PABPC1L: variants seen among roughly 807,000 people sequenced by gnomAD.
PABPC1L encodes the protein poly(A) binding protein cytoplasmic 1 like, also known as polyadenylate-binding protein 1-like.
A neutral mutation model predicts 66.6 loss-of-function variants in PABPC1L; 31 were observed. That is an observed-to-expected ratio of 0.47 (90% confidence interval 0.35 to 0.63). The LOEUF (loss-of-function observed/expected upper bound fraction) is 0.63. PABPC1L is among the 20% of genes least tolerant of loss of function. The pLI is 0.00. For missense variants in PABPC1L, 722 were observed against 848.8 expected (o/e 0.85, Z 1.86); for synonymous variants, 348 against 335.1 (o/e 1.04, Z -0.42).
Position 44,936,737 on chromosome 20 carries a change from G to A in PABPC1L, c.1660+7G>A. 1 of 1,601,846 alleles carries A rather than the reference G, an allele frequency of 6.2e-7. No homozygotes were observed. Among genetic ancestry groups the A allele is most frequent in the Non-Finnish European group, 8.5e-7 (1 of 1,175,294 alleles). ...GAGCAAAAGCAGATGATTGGTGAGT[G>A]GCTGGTTCTCCTACTGTGGAGCAAG... On this transcript the variant is annotated splice_region_variant and intron_variant, in intron 12 of 14. Coordinates refer to ENST00000217073, the MANE Select transcript of PABPC1L (RefSeq NM_001372179.1).
chr20:44,925,167 C>T (rs530950971), intron 7 of PABPC1L, among the ~76,000 whole-genome samples: 3 of 139,016 alleles, frequency 2.2e-5, no homozygotes, highest in East Asian at 2.4e-4. Context: ...GAGCCAAGAT[C>T]GTGCCACTGC....
rs376023342 is a variant in PABPC1L, at chr20:44,938,029, G to A, written c.1661-32G>A. On this transcript the variant is annotated intron_variant, in intron 12 of 14. Transcript: ENST00000217073. ...GGGATGCTGGGGTGTGAGCTAGGCCGTGCACAAGCCATTAGAAGGTGTTCC... is the reference window on the plus strand; with the variant it reads ...GGGATGCTGGGGTGTGAGCTAGGCCATGCACAAGCCATTAGAAGGTGTTCC... The A allele has an allele frequency of 2.6e-5, 42 of 1,613,580 alleles. No individual in the cohort carries two copies. The Middle Eastern group carries it at 4.9e-4, about 19-fold the overall frequency.
chr20:44,910,139 C>G lies in PABPC1L; in HGVS notation c.-5C>G. ...TTGCCCCGCAGCCCCGGCCCCCTGC[C>G]CACCATGAACGCCAGCGGTTCTGGC... On this transcript the variant is annotated 5_prime_UTR_variant, in exon 1 of 15. Transcript: ENST00000217073. 1 of 1,557,042 alleles carries G rather than the reference C, an allele frequency of 6.4e-7. No individual in the cohort carries two copies. Among genetic ancestry groups the G allele is most frequent in the East Asian group, 2.4e-5 (1 of 40,842 alleles).
chr20:44,937,035 G>A, intron 12 of PABPC1L: 2 of 525,508 alleles, frequency 3.8e-6, no homozygotes, highest in East Asian at 1.0e-4. Flanking sequence ...TAGGGGTATG[G>A]TCTTGGGTTT....
At chr20:44,929,796 A>G (rs1261508262) in intron 7 of PABPC1L, among the ~76,000 whole-genome samples, 2 of 139,714 alleles carry the variant, frequency 1.4e-5, no homozygotes, top group Non-Finnish European at 3.0e-5. Context: ...CTATGTCTCA[A>G]AAAAAAAAAA....
intron 7 of PABPC1L, among the ~76,000 whole-genome samples, chr20:44,928,724 C>T (rs1287105063): frequency 1.3e-5 from 2 of 151,674 alleles, no homozygotes; most frequent in Non-Finnish European, 2.9e-5. Flanking sequence ...CAAAATTAGG[C>T]ATGGTGGTGC....
In PABPC1L at chr20:44,932,435, G is replaced by T; in HGVS notation, c.1330+3G>T. On this transcript the variant is annotated splice_donor_region_variant and intron_variant, in intron 9 of 14. Coordinates refer to ENST00000217073, the MANE Select transcript of PABPC1L (RefSeq NM_001372179.1). ...ATCCCAGCCACCTAGACCTTCCTGTGAGTGACCCAGCCCCTTCCACTCTCA... is the reference window on the plus strand; with the variant it reads ...ATCCCAGCCACCTAGACCTTCCTGTTAGTGACCCAGCCCCTTCCACTCTCA... The T allele has an allele frequency of 1.2e-6, 2 of 1,611,398 alleles. No homozygotes were observed. The highest frequency in any genetic ancestry group is 1.7e-6 in the Non-Finnish European group (2 of 1,178,202).
At chr20:44,937,099 A>T in intron 12 of PABPC1L, 5 of 425,536 alleles carry the variant, frequency 1.2e-5, no homozygotes, top group South Asian at 8.7e-5. Flanking sequence ...ACCTCTCCTG[A>T]ACGGGAGGAA....
intron 2 of PABPC1L, among the ~76,000 whole-genome samples, chr20:44,913,180 C>T (rs2066716200): frequency 6.6e-6 from 1 of 152,202 alleles, no homozygotes. Flanking sequence ...TGGGTTCCCT[C>T]CTATGCCCAC....
chr20:44,939,163 A>G lies in PABPC1L; in HGVS notation c.*44A>G, dbSNP rs892370235. 1.8e-5 allele frequency: 13 copies of G among 717,986 alleles called. No individual in the cohort carries two copies. The highest frequency in any genetic ancestry group is 2.6e-6 in the Non-Finnish European group (1 of 385,234). The allele number at this position is 717,986 out of a possible 1,614,324, so 44.5% of individuals were successfully genotyped here. A position where few individuals can be genotyped will look rare whatever the true frequency, so the allele number is the denominator to read the frequency against. The stretch of plus-strand genomic sequence containing the variant: ...TCGCTTCCATGGCTGCCAAAAGGAC[A>G]GTGTTTCTGGCTCTCAGCCCTAAGG... On this transcript the variant is annotated 3_prime_UTR_variant, in exon 15 of 15. Coordinates refer to ENST00000217073, the MANE Select transcript of PABPC1L (RefSeq NM_001372179.1).
intron 12 of PABPC1L, 38 bp from the exon 13 acceptor site, chr20:44,938,023 T>C: frequency 6.2e-7 from 1 of 1,613,540 alleles, no homozygotes; most frequent in Non-Finnish European, 8.5e-7. Flanking sequence ...GGGTGTGAGC[T>C]AGGCCGTGCA....
chr20:44,935,552 G>A (rs2066895342), intron 11 of PABPC1L, 55 bp downstream of exon 11: 2 of 1,490,038 alleles, frequency 1.3e-6, no homozygotes, highest in Non-Finnish European at 9.3e-7. Context: ...GCCTGGCTCA[G>A]AACCTTAGCT....
At chr20:44,912,594 G>T in intron 1 of PABPC1L, 66 bp from the exon 2 acceptor site, 1 of 1,391,046 alleles carries the variant, frequency 7.2e-7, no homozygotes, top group Non-Finnish European at 9.9e-7. Context: ...GCACCTCGAG[G>T]GGTGGGTGAT....
chr20:44,912,957 C>T, intron 2 of PABPC1L, 104 bp downstream of exon 2: 6 of 1,122,810 alleles, frequency 5.3e-6, no homozygotes, highest in Non-Finnish European at 7.5e-6. Flanking sequence ...AAGGTCCTTT[C>T]AGTCAAGTTT....
intron 6 of PABPC1L, 37 bp from the exon 7 acceptor site, chr20:44,924,124 G>C: frequency 6.5e-7 from 1 of 1,540,446 alleles, no homozygotes; most frequent in South Asian, 1.1e-5. Context: ...GGGCTTGGAG[G>C]AGAAGGGGAC....
Position 44,939,179 on chromosome 20 carries a change from A to G in PABPC1L, c.*60A>G, listed in dbSNP as rs1338308419. 1 of 718,074 alleles carries G rather than the reference A, an allele frequency of 1.4e-6. No homozygotes were observed. The highest frequency in any genetic ancestry group is 2.6e-6 in the Non-Finnish European group (1 of 385,220). The allele number at this position is 718,074 out of a possible 1,614,324, so 44.5% of individuals were successfully genotyped here. A position where few individuals can be genotyped will look rare whatever the true frequency, so the allele number is the denominator to read the frequency against. On this transcript the variant is annotated 3_prime_UTR_variant, in exon 15 of 15. Transcript: ENST00000217073. The stretch of plus-strand genomic sequence containing the variant: ...CAAAAGGACAGTGTTTCTGGCTCTC[A>G]GCCCTAAGGCCCTGCAAACTCTAAC...
chr20:44,930,402 G>A (rs3746580), intron 7 of PABPC1L, 58 bp from the exon 8 acceptor site: 160 of 1,564,884 alleles, frequency 1.0e-4, no homozygotes, highest in Middle Eastern at 3.5e-4. Flanking sequence ...GGGAGGCAGC[G>A]CAGCCCCAGG....
At chr20:44,921,535 G>T (rs1258483926) in intron 5 of PABPC1L, 59 bp from the exon 6 acceptor site, 5 of 1,591,766 alleles carry the variant, frequency 3.1e-6, no homozygotes, top group Non-Finnish European at 4.3e-6. Context: ...CAGAAGATGA[G>T]CCTGGGCCAG....
At chr20:44,914,128 C>A (rs2066722622) in intron 2 of PABPC1L, among the ~76,000 whole-genome samples, 1 of 151,076 alleles carries the variant, frequency 6.6e-6, no homozygotes, top group Non-Finnish European at 1.5e-5. Context: ...GATAGTTGAT[C>A]AGTTACCCCG....
Sources: gnomAD v4.1 joint callset for allele counts (sites outside exome capture counted in the v4.1 genomes callset) on GRCh38, gnomAD v4.1.1 for gene constraint, MANE v1.5 for transcripts, NCBI Gene and HGNC (gene_info 2026-07-23, HGNC 2026-07-21) for gene names.